ARMCX4: variants seen among roughly 807,000 people sequenced by gnomAD.
ARMCX4 encodes the protein armadillo repeat containing X-linked 4.
A neutral mutation model predicts 34.7 loss-of-function variants in ARMCX4; 3 were observed. The ratio of observed to expected loss-of-function variants is 0.09; its 90% CI spans 0.04 to 0.22. The LOEUF (loss-of-function observed/expected upper bound fraction) is 0.22. Ranked by LOEUF, ARMCX4 falls within the 10% of genes least tolerant of loss-of-function variation. ARMCX4 has a pLI of 1.00. For missense variants in ARMCX4, 1,448 were observed against 1,720.8 expected (o/e 0.84, Z 2.81); for synonymous variants, 513 against 632.8 (o/e 0.81, Z 2.84).
chrX:101,444,097 C>T, exon 3 of ARMCX4: 1 of 334,002 alleles, frequency 3.0e-6, no homozygotes, highest in Non-Finnish European at 5.8e-6. Flanking sequence ...ACTTTGTCTA[C>T]AAACAGTTAG....
intron 4 of ARMCX4, among the ~76,000 whole-genome samples, chrX:101,479,106 C>T (rs1034774980): frequency 9.0e-6 from 1 of 110,697 alleles, no homozygotes; most frequent in Non-Finnish European, 1.9e-5. Flanking sequence ...GATATTTTAT[C>T]TTATTCTGTG....
Position 101,492,389 on chromosome X carries a change from C to G in ARMCX4, c.3800C>G (p.Thr1267Ser). 8.7e-7 allele frequency: 1 copy of G among 1,154,394 alleles called. No individual in the cohort carries two copies. The highest frequency in any genetic ancestry group is 1.9e-5 in the South Asian group (1 of 52,551). ...GAAGAGGCCATTGGAGGGTCCTGGACTGGGGCTGAGAACCAAGCCAGTGAA... is the reference window on the plus strand; with the variant it reads ...GAAGAGGCCATTGGAGGGTCCTGGAGTGGGGCTGAGAACCAAGCCAGTGAA... ...VGEEAIGGSW[T>S]GAENQASEGS... The change falls in exon 6 of 6, where the codon ACT becomes AGT. Residue 1267 changes from threonine (T) to serine (S), a missense_variant. Transcript: ENST00000423738.
At chrX:101,456,582 C>T (rs1160929736) in intron 4 of ARMCX4, among the ~76,000 whole-genome samples, 2 of 110,980 alleles carry the variant, frequency 1.8e-5, no homozygotes, top group Admixed American at 9.6e-5. Context: ...TTTTTCAAAC[C>T]TACATAAAAA....
intron 2 of ARMCX4, among the ~76,000 whole-genome samples, chrX:101,420,336 G>A (rs1192195669): frequency 1.8e-5 from 2 of 111,018 alleles, no homozygotes; most frequent in Admixed American, 1.9e-4. Context: ...TCCAGCTTGG[G>A]TGACAGAGTG....
intron 4 of ARMCX4, among the ~76,000 whole-genome samples, chrX:101,474,982 G>GA (rs1224232813): frequency 0.052 from 3,312 of 63,255 alleles, 180 homozygotes; most frequent in Admixed American, 0.21. Context: ...GGAGAAGGAA[G>GA]AAAAAAAAAA....
At chrX:101,456,833 A>G (rs1429689864) in intron 4 of ARMCX4, among the ~76,000 whole-genome samples, 3 of 111,291 alleles carry the variant, frequency 2.7e-5, no homozygotes, top group Non-Finnish European at 5.7e-5. Context: ...TTCAAAGTCC[A>G]TATATTGTAT....
At chrX:101,475,361 A>G (rs1355628563) in intron 4 of ARMCX4, among the ~76,000 whole-genome samples, 1 of 109,452 alleles carries the variant, frequency 9.1e-6, no homozygotes, top group Middle Eastern at 4.3e-3. Context: ...AAAAGAAAAA[A>G]GCTATGAGGG....
intron 4 of ARMCX4, among the ~76,000 whole-genome samples, chrX:101,455,950 A>G (rs1477517814): frequency 9.0e-6 from 1 of 111,491 alleles, no homozygotes; most frequent in Non-Finnish European, 1.9e-5. Context: ...GCTTAGGATT[A>G]TGGCCTCCAG....
chrX:101,439,795 A>G (rs1413657265), intron 2 of ARMCX4, among the ~76,000 whole-genome samples: 39 of 108,832 alleles, frequency 3.6e-4, no homozygotes, highest in Non-Finnish European at 6.5e-4. Flanking sequence ...TGCATTCGTC[A>G]TGTAGTTCTC....
chrX:101,483,070 AT>A (rs1332944613), upstream of ARMCX4, among the ~76,000 whole-genome samples: 4 of 107,819 alleles, frequency 3.7e-5, no homozygotes, highest in East Asian at 1.2e-3. Context: ...TAATTTTTGT[AT>A]TTTTAATAGA....
intron 4 of ARMCX4, among the ~76,000 whole-genome samples, chrX:101,466,791 T>G (rs1556002059): frequency 8.9e-6 from 1 of 112,044 alleles, no homozygotes; most frequent in African/African-American, 3.2e-5. Context: ...ATCGTGGTGG[T>G]AGTTACATGA....
chrX:101,448,912 CTT>C (rs3060590), downstream of ARMCX4, among the ~76,000 whole-genome samples: 6,416 of 71,645 alleles, frequency 0.09, 332 homozygotes, highest in South Asian at 0.27. Context: ...CTTTTCTTTC[CTT>C]TTTTTTTTTT....
At chrX:101,440,114 A>G (rs1455756589) in intron 2 of ARMCX4, among the ~76,000 whole-genome samples, 1 of 110,423 alleles carries the variant, frequency 9.1e-6, no homozygotes, top group African/African-American at 3.3e-5. Context: ...GGTTTTATCT[A>G]CCTTTGGTCT....
At chrX:101,436,720 G>T (rs1930804745) in intron 2 of ARMCX4, among the ~76,000 whole-genome samples, 1 of 111,526 alleles carries the variant, frequency 9.0e-6, no homozygotes, top group African/African-American at 3.3e-5. Flanking sequence ...CCTGTCTTGT[G>T]CCAGTTTTCA....
Position 101,463,967 on chromosome X carries a change from C to T in ARMCX4, c.-473+17923C>T, listed in dbSNP as rs374218075. On this transcript the variant is annotated intron_variant and NMD_transcript_variant, in intron 4 of 15. Coordinates refer to the ARMCX4 transcript ENST00000433011. Reference sequence around the variant, plus strand: ...GAGATAAGGTTTCGCCATGTTGCCCCGGCTGGTCTCCAACTCCTGAGCTCG... The same window carrying T: ...GAGATAAGGTTTCGCCATGTTGCCCTGGCTGGTCTCCAACTCCTGAGCTCG... 5.0e-4 allele frequency among the ~76,000 whole-genome samples: 55 copies of T among 110,236 alleles called. 1 individual carries two copies. The East Asian group carries it at 0.014, about 28-fold the overall frequency.
downstream of ARMCX4, among the ~76,000 whole-genome samples, chrX:101,450,803 C>G (rs1046700618): frequency 1.8e-4 from 20 of 111,294 alleles, 1 homozygote; most frequent in Admixed American, 9.6e-5. Context: ...AGGACAGAGT[C>G]TTTCCCTTTA....
At chrX:101,439,829 A>G (rs1246545403) in intron 2 of ARMCX4, among the ~76,000 whole-genome samples, 11 of 108,706 alleles carry the variant, frequency 1.0e-4, no homozygotes, top group Non-Finnish European at 2.1e-4. Flanking sequence ...CAGCTCCATC[A>G]GGTCCTTTAA....
At chrX:101,480,227 C>T (rs1272413023) in intron 4 of ARMCX4, among the ~76,000 whole-genome samples, 2 of 108,140 alleles carry the variant, frequency 1.8e-5, no homozygotes, top group Admixed American at 2.0e-4. Flanking sequence ...ATGTTTTGAC[C>T]ACATCATAAT....
At chrX:101,464,127 G>A (rs1267263240) in intron 4 of ARMCX4, among the ~76,000 whole-genome samples, 1 of 109,828 alleles carries the variant, frequency 9.1e-6, no homozygotes, top group Non-Finnish European at 1.9e-5. Context: ...AATCCCAGCA[G>A]TTTGAGAGGC....
Sources: allele counts gnomAD v4.1 joint callset (sites outside exome capture counted in the v4.1 genomes callset), GRCh38; gene constraint gnomAD v4.1.1; transcripts MANE v1.5; gene names NCBI Gene and HGNC (gene_info 2026-07-23, HGNC 2026-07-21).